Variants in NSMCE2 observed in about 807,000 individuals in gnomAD.
NSMCE2 encodes the protein E3 SUMO-protein ligase NSE2.
NSMCE2 carries 24 observed loss-of-function variants against 23.8 expected under a neutral mutation model. The ratio of observed to expected loss-of-function variants is 1.01; its 90% CI spans 0.73 to 1.42. The LOEUF (loss-of-function observed/expected upper bound fraction) is 1.42. NSMCE2 is among the 40% of genes most tolerant of loss of function. The pLI is 0.00. For missense variants in NSMCE2, 284 were observed against 296.5 expected (o/e 0.96, Z 0.31); for synonymous variants, 92 against 94.1 (o/e 0.98, Z 0.13).
At chr8:125,166,328 G>C (rs573876663) in intron 4 of NSMCE2, among the ~76,000 whole-genome samples, 1 of 152,068 alleles carries the variant, frequency 6.6e-6, no homozygotes, top group Non-Finnish European at 1.5e-5. Flanking sequence ...GTGCAGTGGC[G>C]CGATCTCAGC....
intron 3 of NSMCE2, among the ~76,000 whole-genome samples, chr8:125,133,546 C>T (rs1819880737): frequency 6.6e-6 from 1 of 152,082 alleles, no homozygotes. Context: ...TCGAGATCAG[C>T]CTGGCCAACA....
rs530510861 is a variant in NSMCE2 at position 125,205,516 on chromosome 8, T to C, written c.418+23260T>C. ...TGATGGTGCATCCCAGGAGACACAC[T>C]GACTGAAACACATTAACCTTCTCTC... On this transcript the variant is annotated intron_variant, in intron 5 of 7. Coordinates refer to ENST00000287437, the MANE Select transcript of NSMCE2 (RefSeq NM_173685.4). 4.4e-4 allele frequency among the ~76,000 whole-genome samples: 67 copies of C among 152,256 alleles called. 1 individual carries two copies. The South Asian group carries it at 0.014, about 31-fold the overall frequency.
rs565593006 is a variant in NSMCE2, at chr8:125,170,376, C to CTTTTTTTTTTTTTTTT, written c.265-11703_265-11688dup. ...CATCAATAAACCTTACTCTTTATTT[C>CTTTTTTTTTTTTTTTT]TTTTTTTTTTTTTTTTTTTTTTTTT... On this transcript the variant is annotated intron_variant, in intron 4 of 7. Coordinates refer to ENST00000287437, the MANE Select transcript of NSMCE2 (RefSeq NM_173685.4). 9.5e-4 allele frequency among the ~76,000 whole-genome samples: 36 copies of CTTTTTTTTTTTTTTTT among 37,864 alleles called. 8 individuals are homozygous for CTTTTTTTTTTTTTTTT. The highest frequency in any genetic ancestry group is 0.023 in the Middle Eastern group (1 of 44). 24.8% of individuals were successfully genotyped at this position (37,864 alleles called of 152,430 possible).
At chr8:125,119,184 T>G (rs1322389451) in intron 3 of NSMCE2, among the ~76,000 whole-genome samples, 2 of 152,182 alleles carry the variant, frequency 1.3e-5, no homozygotes, top group Non-Finnish European at 2.9e-5. Context: ...GGAATCTCAC[T>G]CCATAAATTT....
intron 5 of NSMCE2, among the ~76,000 whole-genome samples, chr8:125,328,587 A>G (rs1303182607): frequency 6.6e-6 from 1 of 152,170 alleles, no homozygotes; most frequent in Non-Finnish European, 1.5e-5. Flanking sequence ...TGAGAGCCCA[A>G]CTCAGGGATT....
intron 3 of NSMCE2, among the ~76,000 whole-genome samples, chr8:125,137,868 G>C (rs1286505892): frequency 1.3e-5 from 2 of 152,144 alleles, no homozygotes; most frequent in East Asian, 1.9e-4. Context: ...TCACAGAGCT[G>C]TTGTAGTAAG....
At chr8:125,113,435 A>T (rs2130443469) in intron 3 of NSMCE2, among the ~76,000 whole-genome samples, 1 of 152,272 alleles carries the variant, frequency 6.6e-6, no homozygotes, top group Non-Finnish European at 1.5e-5. Context: ...AGATATGATT[A>T]TACCACTACA....
chr8:125,172,412 T>C (rs1223435837), intron 4 of NSMCE2, among the ~76,000 whole-genome samples: 3 of 152,228 alleles, frequency 2.0e-5, no homozygotes, highest in Non-Finnish European at 4.4e-5. Context: ...TCAACCTCTG[T>C]GTACACTTTT....
intron 5 of NSMCE2, among the ~76,000 whole-genome samples, chr8:125,201,285 G>A (rs949739255): frequency 2.0e-5 from 3 of 152,178 alleles, no homozygotes; most frequent in Non-Finnish European, 4.4e-5. Flanking sequence ...GTTCTGCTCT[G>A]GTTTCTCCCC....
At chr8:125,318,768 G>C (rs1226896779) in intron 5 of NSMCE2, among the ~76,000 whole-genome samples, 1 of 152,210 alleles carries the variant, frequency 6.6e-6, no homozygotes, top group Admixed American at 6.5e-5. Context: ...AGGAAACAAA[G>C]GAAATGGGTC....
intron 5 of NSMCE2, among the ~76,000 whole-genome samples, chr8:125,345,556 T>C (rs1026931051): frequency 4.6e-5 from 7 of 152,196 alleles, no homozygotes; most frequent in Non-Finnish European, 8.8e-5. Flanking sequence ...GGAATCCACA[T>C]TCTGGTAGGG....
intron 5 of NSMCE2, among the ~76,000 whole-genome samples, chr8:125,197,970 A>G (rs1823698169): frequency 2.0e-5 from 3 of 152,080 alleles, no homozygotes; most frequent in Admixed American, 2.0e-4. Flanking sequence ...ATGGGAGTTC[A>G]CTCATGATTT....
At chr8:125,095,567 T>C (rs1817887243) in intron 1 of NSMCE2, among the ~76,000 whole-genome samples, 1 of 152,030 alleles carries the variant, frequency 6.6e-6, no homozygotes, top group Non-Finnish European at 1.5e-5. Flanking sequence ...CACTCCAGCC[T>C]GGGTGACAGA....
chr8:125,279,299 A>G (rs1314967311), intron 5 of NSMCE2, among the ~76,000 whole-genome samples: 1 of 152,160 alleles, frequency 6.6e-6, no homozygotes, highest in African/African-American at 2.4e-5. Flanking sequence ...ATATATTGCA[A>G]ATGGTTGATT....
At chr8:125,318,767 A>G (rs1829309730) in intron 5 of NSMCE2, among the ~76,000 whole-genome samples, 1 of 152,242 alleles carries the variant, frequency 6.6e-6, no homozygotes, top group Admixed American at 6.5e-5. Context: ...CAGGAAACAA[A>G]GGAAATGGGT....
At chr8:125,365,899 A>G (rs1352506312) in intron 7 of NSMCE2, among the ~76,000 whole-genome samples, 4 of 152,098 alleles carry the variant, frequency 2.6e-5, no homozygotes, top group African/African-American at 9.7e-5. Flanking sequence ...CCAAAGCCCC[A>G]TTGGCGCACT....
chr8:125,271,073 A>G (rs111920180), intron 5 of NSMCE2, among the ~76,000 whole-genome samples: 5,020 of 152,106 alleles, frequency 0.033, 282 homozygotes, highest in African/African-American at 0.11. Flanking sequence ...CAGCCTGAAC[A>G]ACATAGTGAG....
chr8:125,165,592 C>G (rs1342654415), intron 4 of NSMCE2, among the ~76,000 whole-genome samples: 1 of 152,192 alleles, frequency 6.6e-6, no homozygotes, highest in Non-Finnish European at 1.5e-5. Flanking sequence ...ACACTGTAGT[C>G]TCAGTTCCAT....
intron 5 of NSMCE2, among the ~76,000 whole-genome samples, chr8:125,278,684 C>T (rs535937318): frequency 1.1e-4 from 16 of 152,120 alleles, no homozygotes; most frequent in South Asian, 8.3e-4. Context: ...TCAAGAGGGT[C>T]TTCTTTTTTC....
Sources: gnomAD v4.1 joint callset for allele counts (sites outside exome capture counted in the v4.1 genomes callset) on GRCh38, gnomAD v4.1.1 for gene constraint, MANE v1.5 for transcripts, NCBI Gene and HGNC (gene_info 2026-07-23, HGNC 2026-07-21) for gene names.